ZNF18: variants seen among roughly 807,000 people sequenced by gnomAD.
The protein encoded by ZNF18 is zinc finger protein 18.
ZNF18 carries 42 observed loss-of-function variants against 58.1 expected under a neutral mutation model. That is an observed-to-expected ratio of 0.72 (90% CI 0.56 to 0.93). ZNF18 has a LOEUF of 0.93. Among genes scored for constraint, ZNF18 ranks in the 40% least tolerant of loss-of-function variants. The pLI, the probability that ZNF18 is intolerant of heterozygous loss-of-function variation, is 0.00. For missense variants in ZNF18, 540 were observed against 644.2 expected (o/e 0.84, Z 1.75); for synonymous variants, 231 against 239.8 (o/e 0.96, Z 0.34).
the ZNF18 span, among the ~76,000 whole-genome samples, chr17:12,011,695 A>ATTTTT: frequency 5.7e-5 from 5 of 87,588 alleles, no homozygotes; most frequent in African/African-American, 9.1e-5. Context: ...AATGTTCTTA[A>ATTTTT]TTTTTTTTTT....
chr17:11,983,997 G>C, intron 5 of ZNF18, 116 bp downstream of exon 5: 2 of 878,300 alleles, frequency 2.3e-6, no homozygotes, highest in Non-Finnish European at 3.4e-6. Context: ...TGTCCCTAAC[G>C]ATTTCTTTCA....
At chr17:12,019,294 ATGTG>A in the ZNF18 span, among the ~76,000 whole-genome samples, 21,619 of 145,198 alleles carry the variant, frequency 0.15, 1,604 homozygotes, top group Admixed American at 0.2. Flanking sequence ...ATAATATTGG[ATGTG>A]TGTGTGTGTG....
the ZNF18 span, among the ~76,000 whole-genome samples, chr17:12,007,209 T>C: frequency 1.3e-5 from 2 of 152,188 alleles, no homozygotes; most frequent in Admixed American, 1.3e-4. Context: ...GTGAAGACTC[T>C]ATGTTGATCT....
chr17:11,985,666 TA>T (rs1967690711), intron 4 of ZNF18, among the ~76,000 whole-genome samples: 1 of 152,210 alleles, frequency 6.6e-6, no homozygotes, highest in Non-Finnish European at 1.5e-5. Context: ...CTCTCCATTG[TA>T]TAATACCTTC....
the ZNF18 span, among the ~76,000 whole-genome samples, chr17:12,010,028 A>G: frequency 6.6e-6 from 1 of 152,316 alleles, no homozygotes; most frequent in Non-Finnish European, 1.5e-5. Context: ...TGGATATAAC[A>G]GACCAAAACA....
chr17:12,020,779 T>TCGGAGGCGGGG, the ZNF18 span: 1 of 450,976 alleles, frequency 2.2e-6, no homozygotes, highest in Non-Finnish European at 3.5e-6. Flanking sequence ...CCGGGGCGTG[T>TCGGAGGCGGGG]CGGAGGCGGG....
In ZNF18 at chr17:11,978,268, G is replaced by A. The variant is rs529430089; in HGVS notation, c.1339C>T (p.Arg447Trp). The A allele has an allele frequency of 1.1e-5, 18 of 1,609,038 alleles. No individual in the cohort carries two copies. In the East Asian group the frequency reaches 1.6e-4, roughly 14 times the overall value. The part of the protein sequence containing the change: ...QCTICKKAFL[R>W]SSDFVKHQRT... ...TGATGCTTCACAAAGTCTGAACTCCGCAGAAAGGCTTTTTTGCAGATGGTG... is the reference window on the plus strand; with the variant it reads ...TGATGCTTCACAAAGTCTGAACTCCACAGAAAGGCTTTTTTGCAGATGGTG... Residue 447 changes from arginine (R) to tryptophan (W), a missense_variant, in exon 7 of 7, where the codon CGG becomes TGG. Coordinates refer to ENST00000580306, the MANE Select transcript of ZNF18 (RefSeq NM_001303281.2).
chr17:12,001,358 G>A (rs1031019034), upstream of ZNF18, among the ~76,000 whole-genome samples: 6 of 152,126 alleles, frequency 3.9e-5, no homozygotes, highest in East Asian at 1.9e-4. Context: ...GGCCGGGCGC[G>A]GTGGCTTACA....
chr17:11,991,567 C>T (rs1311490645), intron 2 of ZNF18, among the ~76,000 whole-genome samples: 1 of 152,170 alleles, frequency 6.6e-6, no homozygotes, highest in Non-Finnish European at 1.5e-5. Context: ...ATGGGGGAAC[C>T]CAGCTGTGGT....
chr17:12,001,141 A>G (rs894797969), upstream of ZNF18, among the ~76,000 whole-genome samples: 1 of 152,166 alleles, frequency 6.6e-6, no homozygotes, highest in African/African-American at 2.4e-5. Context: ...GGCCACATGG[A>G]ACACTCACAG....
chr17:12,016,236 C>T, the ZNF18 span, among the ~76,000 whole-genome samples: 13 of 152,188 alleles, frequency 8.5e-5, no homozygotes, highest in Admixed American at 5.2e-4. Flanking sequence ...ATGACCGTTA[C>T]CCCAGAAAGT....
At chr17:11,981,996 T>C (rs1249631423) in intron 6 of ZNF18, among the ~76,000 whole-genome samples, 11 of 152,088 alleles carry the variant, frequency 7.2e-5, no homozygotes. Flanking sequence ...GGAGTCCTCA[T>C]GATGGGATTA....
intron 4 of ZNF18, among the ~76,000 whole-genome samples, chr17:11,989,208 C>G (rs553036557): frequency 6.6e-6 from 1 of 151,820 alleles, no homozygotes; most frequent in African/African-American, 2.4e-5. Context: ...GCCTGTAGTT[C>G]TAGCTACTCA....
At chr17:12,007,678 C>T in the ZNF18 span, among the ~76,000 whole-genome samples, 1 of 152,230 alleles carries the variant, frequency 6.6e-6, no homozygotes, top group Non-Finnish European at 1.5e-5. Context: ...CTGCTACCTG[C>T]TGCTGGGGAT....
At chr17:11,996,613 A>G (rs1221285906) in intron 1 of ZNF18, among the ~76,000 whole-genome samples, 2 of 152,232 alleles carry the variant, frequency 1.3e-5, no homozygotes, top group Non-Finnish European at 2.9e-5. Flanking sequence ...TAGTTATGAA[A>G]AAAAAATAAG....
the ZNF18 span, chr17:12,020,886 A>C: frequency 8.3e-7 from 1 of 1,199,792 alleles, no homozygotes; most frequent in East Asian, 3.4e-5. Context: ...CACTCCCAAC[A>C]ATGGCGGCTC....
the ZNF18 span, among the ~76,000 whole-genome samples, chr17:12,008,019 G>A: frequency 3.1e-4 from 47 of 152,284 alleles, no homozygotes; most frequent in African/African-American, 1.1e-3. Context: ...GCAGTGGTCT[G>A]CTGTAGAGTC....
chr17:11,983,462 C>G, intron 5 of ZNF18, 55 bp from the exon 6 acceptor site: 2 of 1,412,208 alleles, frequency 1.4e-6, no homozygotes, highest in East Asian at 4.6e-5. Flanking sequence ...ACTGGGAGCT[C>G]AAGCTGTGTC....
Position 11,992,662 on chromosome 17 carries a change from A to C in ZNF18, c.168T>G (p.His56Gln), listed in dbSNP as rs188440121. The C allele has an allele frequency of 6.2e-7, 1 of 1,614,226 alleles. No individual in the cohort carries two copies. The highest frequency in any genetic ancestry group is 2.2e-5 in the East Asian group (1 of 44,886). ...QFRYQVMSGP[H>Q]ETLKQLRKLC... ...GCTTCCGAAGTTGCTTCAAGGTCTC[A>C]TGAGGCCCAGACATCACCTGGTAAC... The change falls in exon 2 of 7, where the codon CAT (histidine) becomes CAG (glutamine). Residue 56 changes from histidine (H) to glutamine (Q), a missense_variant. Coordinates refer to ENST00000580306, the MANE Select transcript of ZNF18 (RefSeq NM_001303281.2).
Sources: gnomAD v4.1 joint callset for allele counts (sites outside exome capture counted in the v4.1 genomes callset) on GRCh38, gnomAD v4.1.1 for gene constraint, MANE v1.5 for transcripts, NCBI Gene and HGNC (gene_info 2026-07-23, HGNC 2026-07-21) for gene names.